The following CELF5 variants were observed in gnomAD, a reference collection of about 807,000 sequenced individuals.
The protein encoded by CELF5 is CUG-BP and ETR-3 like factor 5.
CELF5 carries 6 observed loss-of-function variants against 54.9 expected under a neutral mutation model. The observed-to-expected ratio is 0.11, with a 90% CI of 0.06 to 0.22. CELF5 has a LOEUF of 0.22. Among genes scored for constraint, CELF5 ranks in the 10% least tolerant of loss-of-function variants. The probability of loss-of-function intolerance (pLI) is 1.00; values close to 1 mark genes in which losing one functional copy is unlikely to be tolerated. For missense variants in CELF5, 401 were observed against 678.6 expected (o/e 0.59, Z 4.54); for synonymous variants, 271 against 290.9 (o/e 0.93, Z 0.70).
chr19:3,276,748 G>A (rs998694126), intron 4 of CELF5, among the ~76,000 whole-genome samples: 1 of 150,808 alleles, frequency 6.6e-6, no homozygotes, highest in African/African-American at 2.4e-5. Flanking sequence ...CTTCTCCAGG[G>A]GCTGCTTATG....
At chr19:3,264,922 C>T (rs2079860338) in intron 2 of CELF5, among the ~76,000 whole-genome samples, 1 of 151,886 alleles carries the variant, frequency 6.6e-6, no homozygotes, top group African/African-American at 2.4e-5. Flanking sequence ...ATCATGTTAG[C>T]CAGGTTGGTC....
chr19:3,245,245 C>CGTGTGCATGTGGT (rs1171539914), intron 1 of CELF5, among the ~76,000 whole-genome samples: 5 of 129,234 alleles, frequency 3.9e-5, no homozygotes, highest in Non-Finnish European at 8.0e-5. Context: ...TGCATCTGTG[C>CGTGTGCATGTGGT]GTGTGTATGT....
chr19:3,240,363 T>C (rs1208738611), intron 1 of CELF5, among the ~76,000 whole-genome samples: 1 of 151,520 alleles, frequency 6.6e-6, no homozygotes, highest in Non-Finnish European at 1.5e-5. Context: ...TCTCACTCTG[T>C]CATCCAGGCT....
chr19:3,245,205 CTG>C (rs2079549022), intron 1 of CELF5, among the ~76,000 whole-genome samples: 1 of 138,352 alleles, frequency 7.2e-6, no homozygotes, highest in Non-Finnish European at 1.5e-5. Context: ...GTGTTTGCAT[CTG>C]TGCATGTGTG....
rs920751870 is a variant in CELF5 at position 3,228,371 on chromosome 19, G to A, written c.259+3373G>A. Among the ~76,000 whole-genome samples the A allele has an allele frequency of 2.0e-5, 3 of 152,202 alleles. No individual in the cohort carries two copies. The highest frequency in any genetic ancestry group is 1.9e-4 in the East Asian group (1 of 5,158). ...ACTGGAGGCTGGGATTGGGGCTCCC[G>A]CTGGCCCCCCTGCAGTTCCTGCCCC... On this transcript the variant is annotated intron_variant, in intron 1 of 12. Coordinates refer to ENST00000292672, the MANE Select transcript of CELF5 (RefSeq NM_021938.4). The surrounding 1 kb of genome is among the most constrained non-coding windows in gnomAD (Gnocchi z 6.0).
chr19:3,284,889 T>G lies in CELF5; in HGVS notation c.1040-13T>G. 4 of 1,611,938 alleles carry G rather than the reference T, an allele frequency of 2.5e-6. No individual in the cohort carries two copies. Among genetic ancestry groups the G allele is most frequent in the Non-Finnish European group, 3.4e-6 (4 of 1,178,924 alleles). ...CTGCTCCCGCCCCACTCAGCCCCTC[T>G]GTCTGCCCGCAGCTCAGAGCCCGAC... On this transcript the variant is annotated splice_polypyrimidine_tract_variant and intron_variant, in intron 8 of 12. Transcript: ENST00000292672.
intron 10 of CELF5, among the ~76,000 whole-genome samples, chr19:3,287,546 G>A (rs953657958): frequency 3.7e-4 from 56 of 150,566 alleles, no homozygotes; most frequent in Non-Finnish European, 6.7e-4. Flanking sequence ...GCAACAGAGC[G>A]AGACTCCATC....
intron 1 of CELF5, among the ~76,000 whole-genome samples, chr19:3,249,938 C>G (rs987581802): frequency 3.3e-5 from 5 of 152,210 alleles, no homozygotes; most frequent in Non-Finnish European, 5.9e-5. Flanking sequence ...CTCACCCCAC[C>G]TTGTCCAGGG....
intron 1 of CELF5, among the ~76,000 whole-genome samples, chr19:3,247,443 A>G (rs2079583128): frequency 6.6e-6 from 1 of 151,440 alleles, no homozygotes; most frequent in African/African-American, 2.4e-5. Flanking sequence ...TGTATTTTTT[A>G]TAGAGATGGG....
intron 2 of CELF5, among the ~76,000 whole-genome samples, chr19:3,260,239 C>T (rs2079789292): frequency 6.6e-6 from 1 of 151,894 alleles, no homozygotes; most frequent in Non-Finnish European, 1.5e-5. Flanking sequence ...GCCTCAGCCT[C>T]CCAAGTAGCT....
intron 1 of CELF5, 123 bp downstream of exon 1, chr19:3,225,121 G>A (rs1478109605): frequency 3.4e-5 from 21 of 617,104 alleles, no homozygotes; most frequent in Non-Finnish European, 5.4e-5. Flanking sequence ...TGCCTCTGCC[G>A]GAGCATCGGT....
chr19:3,272,707 CACTT>C (rs1258623412), intron 2 of CELF5, among the ~76,000 whole-genome samples: 3 of 152,300 alleles, frequency 2.0e-5, no homozygotes, highest in African/African-American at 7.2e-5. Context: ...AAGACATAGA[CACTT>C]ACAGCCTGAG....
chr19:3,267,073 GCGTGTGCGTGTGTGCA>G (rs1181097472), intron 2 of CELF5, among the ~76,000 whole-genome samples: 2 of 144,000 alleles, frequency 1.4e-5, no homozygotes, highest in Non-Finnish European at 3.0e-5. Context: ...CTCTGTGTGT[GCGTGTGCGTGTGTGCA>G]TGTGTGTGTG....
At chr19:3,243,527 C>T (rs1434284642) in intron 1 of CELF5, among the ~76,000 whole-genome samples, 2 of 152,162 alleles carry the variant, frequency 1.3e-5, no homozygotes, top group Non-Finnish European at 2.9e-5. Context: ...AGCAATCCTT[C>T]TGCCTCGGCC....
At chr19:3,279,533 G>T (rs1403814022) in intron 5 of CELF5, among the ~76,000 whole-genome samples, 1 of 152,124 alleles carries the variant, frequency 6.6e-6, no homozygotes, top group Non-Finnish European at 1.5e-5. Flanking sequence ...GTTCTCTATC[G>T]GAGGAGGCAT....
chr19:3,250,640 T>A (rs1568338935), intron 1 of CELF5, among the ~76,000 whole-genome samples: 1 of 152,046 alleles, frequency 6.6e-6, no homozygotes, highest in East Asian at 1.9e-4. Flanking sequence ...CTCATTCCCC[T>A]CCCCAGCCCC....
chr19:3,286,755 C>T, intron 10 of CELF5: 1 of 127,186 alleles, frequency 7.9e-6, no homozygotes, highest in Non-Finnish European at 1.7e-5. Context: ...AAAAAAAAGG[C>T]CGGGCACGGT....
At chr19:3,276,019 G>A in intron 4 of CELF5, 35 bp downstream of exon 4, 11 of 1,543,968 alleles carry the variant, frequency 7.1e-6, no homozygotes, top group Non-Finnish European at 9.6e-6. Context: ...ACTGCGAGAG[G>A]GGCCGGGCTA....
chr19:3,260,799 T>G (rs1182246783), intron 2 of CELF5, among the ~76,000 whole-genome samples: 1 of 151,926 alleles, frequency 6.6e-6, no homozygotes, highest in Non-Finnish European at 1.5e-5. Flanking sequence ...ATTTTTTGTA[T>G]TTTTAGTACA....
Sources: allele counts gnomAD v4.1 joint callset (sites outside exome capture counted in the v4.1 genomes callset), GRCh38; gene constraint gnomAD v4.1.1; non-coding constraint Gnocchi (gnomAD v3.1); transcripts MANE v1.5; gene names NCBI Gene and HGNC (gene_info 2026-07-23, HGNC 2026-07-21).